GP6: variants seen among roughly 807,000 people sequenced by gnomAD.
The protein encoded by GP6 is platelet glycoprotein VI.
A neutral mutation model predicts 37.3 loss-of-function variants in GP6; 45 were observed. That is an observed-to-expected ratio of 1.21 (90% CI 0.95 to 1.55). The LOEUF (loss-of-function observed/expected upper bound fraction) is 1.55. Ranked by LOEUF, GP6 falls within the 40% of genes most tolerant of loss-of-function variation. The pLI is 0.00. For missense variants in GP6, 813 were observed against 760.2 expected, an observed-to-expected ratio of 1.07 and a Z score of -0.82; for synonymous variants, 340 against 316.4, an observed-to-expected ratio of 1.07 and a Z score of -0.79.
chr19:55,030,513 TA>T (rs2074519698), intron 3 of GP6, among the ~76,000 whole-genome samples: 1 of 150,698 alleles, frequency 6.6e-6, no homozygotes, highest in Non-Finnish European at 1.5e-5. Context: ...TAATTATTAT[TA>T]TTTTTTTTAG....
chr19:55,037,335 ATTTTTTT>A (rs200634689), intron 1 of GP6, among the ~76,000 whole-genome samples: 1 of 138,274 alleles, frequency 7.2e-6, no homozygotes, highest in Non-Finnish European at 1.6e-5. Context: ...CAATTCCACA[ATTTTTTT>A]TTTTTTTTTT....
chr19:55,032,096 C>T (rs528105487), intron 3 of GP6, 43 bp downstream of exon 3: 102 of 1,602,848 alleles, frequency 6.4e-5, no homozygotes, highest in African/African-American at 5.2e-4. Context: ...GTGTCCTGAA[C>T]GGAGGACCAC....
At chr19:55,026,015 AAAAAAAAG>A (rs2074289118) in intron 4 of GP6, among the ~76,000 whole-genome samples, 1 of 151,446 alleles carries the variant, frequency 6.6e-6, no homozygotes, top group African/African-American at 2.4e-5. Context: ...AAAAAAAAAA[AAAAAAAAG>A]CAGCAGCATT....
In GP6 at chr19:55,014,888, C is replaced by A. The variant is rs748067631; in HGVS notation, c.1057G>T (p.Glu353Ter). 2 of 1,613,838 alleles carry A rather than the reference C, an allele frequency of 1.2e-6. No homozygotes were observed. Among genetic ancestry groups the A allele is most frequent in the Admixed American group, 3.3e-5 (2 of 60,004 alleles). ...AGTCGCCTCCCATGCCATGATCCCTCCCTTGGATACGACCGTGCCTGGGGT... is the reference window on the plus strand; with the variant it reads ...AGTCGCCTCCCATGCCATGATCCCTACCTTGGATACGACCGTGCCTGGGGT... Residue 353 changes from glutamate to a stop codon, truncating the protein, a stop_gained, in exon 8 of 8, where the codon GAG (glutamate) becomes TAG (stop). Transcript: ENST00000310373. LOFTEE classifies it low-confidence loss of function (END_TRUNC).
intron 1 of GP6, among the ~76,000 whole-genome samples, chr19:55,037,861 G>A (rs191936970): frequency 1.4e-4 from 21 of 152,086 alleles, no homozygotes; most frequent in African/African-American, 4.6e-4. Flanking sequence ...GACCTCAGGT[G>A]ATCCACCCAC....
intron 6 of GP6, among the ~76,000 whole-genome samples, chr19:55,015,950 C>A (rs1285890270): frequency 6.6e-6 from 1 of 151,918 alleles, no homozygotes; most frequent in Non-Finnish European, 1.5e-5. Context: ...CCAACCTGAG[C>A]AACATAGAAA....
intron 1 of GP6, among the ~76,000 whole-genome samples, chr19:55,035,523 C>T (rs1044534231): frequency 6.6e-6 from 1 of 152,114 alleles, no homozygotes; most frequent in African/African-American, 2.4e-5. Context: ...TCGAGAGCAG[C>T]CTGACCAACA....
In GP6 at chr19:55,014,071, A is replaced by G. The variant is rs138796044; in HGVS notation, c.*11T>C. ...AGCAATATTGCAGTACATGTATACAACGTGCTATGATCAAATCAGGGTAAT... is the reference window on the plus strand; with the variant it reads ...AGCAATATTGCAGTACATGTATACAGCGTGCTATGATCAAATCAGGGTAAT... On this transcript the variant is annotated 3_prime_UTR_variant, in exon 8 of 8. Coordinates refer to ENST00000310373, the MANE Select transcript of GP6 (RefSeq NM_001083899.2). The G allele has an allele frequency of 1.6e-6, 1 of 629,212 alleles. No individual in the cohort carries two copies. Among genetic ancestry groups the G allele is most frequent in the South Asian group, 1.5e-5 (1 of 66,080 alleles). The allele number at this position is 629,212 out of a possible 1,614,324, so 39.0% of individuals were successfully genotyped here. A position where few individuals can be genotyped will look rare whatever the true frequency, so the allele number is the denominator to read the frequency against.
In GP6 at chr19:55,022,207, T is replaced by C. The variant is rs143309845; in HGVS notation, c.664+3011A>G. On this transcript the variant is annotated intron_variant, in intron 5 of 7. Coordinates refer to ENST00000310373, the MANE Select transcript of GP6 (RefSeq NM_001083899.2). ...GTTACAATTGCTTTTGACGTTTTTG[T>C]CATGAAATCTTTGCCCATGCCTGTG... Among the ~76,000 whole-genome samples, 131 of 152,350 alleles carry C rather than the reference T, an allele frequency of 8.6e-4. 1 individual carries two copies. The East Asian group carries it at 0.022, about 26-fold the overall frequency.
At chr19:55,037,420 C>T (rs958242244) in intron 1 of GP6, among the ~76,000 whole-genome samples, 1 of 151,644 alleles carries the variant, frequency 6.6e-6, no homozygotes, top group African/African-American at 2.4e-5. Flanking sequence ...TCACCGCAAC[C>T]TCCACCTCCC....
chr19:55,017,766 C>T (rs1449297399), intron 6 of GP6, among the ~76,000 whole-genome samples: 1 of 152,040 alleles, frequency 6.6e-6, no homozygotes, highest in Non-Finnish European at 1.5e-5. Context: ...GGGAAGGCTT[C>T]CATCACAGAA....
chr19:55,032,409 C>T lies in GP6; in HGVS notation c.68-13G>A, dbSNP rs1444174759. 1.9e-6 allele frequency: 3 copies of T among 1,611,874 alleles called. No homozygotes were observed. Among genetic ancestry groups the T allele is most frequent in the Non-Finnish European group, 1.7e-6 (2 of 1,179,068 alleles). The stretch of plus-strand genomic sequence containing the variant: ...TTGGGGAGCGGTCCTGGAAGAGGAG[C>T]AGGGCTGGGTCAGCCTCCCCGCAGA... On this transcript the variant is annotated splice_polypyrimidine_tract_variant and intron_variant, in intron 2 of 7. Transcript: ENST00000310373.
At chr19:55,021,050 T>TAAAAA (rs60477411) in intron 5 of GP6, among the ~76,000 whole-genome samples, 1 of 107,714 alleles carries the variant, frequency 9.3e-6, no homozygotes. Flanking sequence ...AGACTCTGTT[T>TAAAAA]AAAAAAAAAA....
intron 3 of GP6, among the ~76,000 whole-genome samples, chr19:55,028,956 C>T (rs2074411164): frequency 6.6e-6 from 1 of 152,006 alleles, no homozygotes; most frequent in Admixed American, 6.6e-5. Context: ...GCTATGATCA[C>T]TGTACACTAG....
At chr19:55,029,547 T>C (rs1376124822) in intron 3 of GP6, among the ~76,000 whole-genome samples, 21 of 150,334 alleles carry the variant, frequency 1.4e-4, no homozygotes, top group Non-Finnish European at 2.7e-4. Flanking sequence ...TGCACCACCA[T>C]GCCCAGTTAA....
At chr19:55,021,316 A>C (rs1358776208) in intron 5 of GP6, among the ~76,000 whole-genome samples, 1 of 150,304 alleles carries the variant, frequency 6.7e-6, no homozygotes, top group Non-Finnish European at 1.5e-5. Flanking sequence ...GTGAGCCGAG[A>C]TCGCACCACT....
chr19:55,038,230 G>A lies in GP6; in HGVS notation c.7C>T (p.Pro3Ser). 6.3e-7 allele frequency: 1 copy of A among 1,590,436 alleles called. No individual in the cohort carries two copies. The highest frequency in any genetic ancestry group is 1.1e-5 in the South Asian group (1 of 87,456). The change falls in exon 1 of 8, where the codon CCA (proline) becomes TCA (serine). Residue 3 changes from proline to serine, a missense_variant. Physicochemically the swap from Pro to Ser is moderately conservative, Grantham distance 74. Coordinates refer to ENST00000310373, the MANE Select transcript of GP6 (RefSeq NM_001083899.2). ...AGACAGAAGAGGGCGGTCGGGGATG[G>A]AGACATGGTTCCTCAGCCCTGTCCT... is the stretch of plus-strand genomic sequence containing the variant.
chr19:55,024,424 C>G (rs1265588494), intron 5 of GP6, among the ~76,000 whole-genome samples: 1 of 150,996 alleles, frequency 6.6e-6, no homozygotes, highest in Non-Finnish European at 1.5e-5. Context: ...TAATAGCCCT[C>G]ACTCTGCCCT....
chr19:55,029,368 ATATATATTTTTTTTTTTTTTTTTTTTT>A (rs2074469350), intron 3 of GP6, among the ~76,000 whole-genome samples: 1 of 2,526 alleles, frequency 4.0e-4, no homozygotes. Flanking sequence ...ATATATATAT[ATATATATTTTTTTTTTTTTTTTTTTTT>A]TTTTTTTTTT....
Sources: gnomAD v4.1 joint callset for allele counts (sites outside exome capture counted in the v4.1 genomes callset) on GRCh38, gnomAD v4.1.1 for gene constraint, MANE v1.5 for transcripts, NCBI Gene and HGNC (gene_info 2026-07-23, HGNC 2026-07-21) for gene names.